Variants in SCAPER observed in about 807,000 individuals in gnomAD.
The protein encoded by SCAPER is S-phase cyclin A associated protein in the ER, also known as S phase cyclin A-associated protein in the endoplasmic reticulum.
A neutral mutation model predicts 182.2 loss-of-function variants in SCAPER; 98 were observed. The ratio of observed to expected loss-of-function variants is 0.54; its 90% confidence interval spans 0.46 to 0.64. The LOEUF (loss-of-function observed/expected upper bound fraction) is 0.64, where lower values mean the gene tolerates loss of function less well. SCAPER is among the 30% of genes least tolerant of loss of function. The probability of loss-of-function intolerance (pLI) is 0.00; values close to 1 mark genes in which losing one functional copy is unlikely to be tolerated. For synonymous variants in SCAPER, 605 were observed against 564.6 expected, an observed-to-expected ratio of 1.07 and a Z score of -1.01; for missense variants, 1,432 against 1,690.0, an observed-to-expected ratio of 0.85 and a Z score of 2.68.
At chr15:76,536,247 T>C (rs2044148852) in intron 23 of SCAPER, among the ~76,000 whole-genome samples, 1 of 152,148 alleles carries the variant, frequency 6.6e-6, no homozygotes, top group African/African-American at 2.4e-5. Flanking sequence ...GCCACTCAGC[T>C]ACTCAGGAGG....
intron 25 of SCAPER, among the ~76,000 whole-genome samples, chr15:76,446,174 GT>G (rs1567156060): frequency 6.6e-6 from 1 of 152,108 alleles, no homozygotes; most frequent in Non-Finnish European, 1.5e-5. Context: ...GTTCAGAGAG[GT>G]TAAATCACAT....
chr15:76,691,989 G>GA (rs1239228569), intron 20 of SCAPER, among the ~76,000 whole-genome samples: 15 of 151,924 alleles, frequency 9.9e-5, no homozygotes, highest in Admixed American at 3.9e-4. Flanking sequence ...AGTGACAGCA[G>GA]AAAAAAGAAA....
intron 15 of SCAPER, among the ~76,000 whole-genome samples, chr15:76,747,842 G>C (rs117708031): frequency 0.017 from 2,644 of 152,180 alleles, 35 homozygotes; most frequent in Non-Finnish European, 0.026. Context: ...ACAGCCTACA[G>C]AATAGTGAGC....
rs2059871406 is a variant in SCAPER at position 76,716,048 on chromosome 15, A to G, written c.2166-10064T>C. Among the ~76,000 whole-genome samples, 6 of 152,124 alleles carry G rather than the reference A, an allele frequency of 3.9e-5. No homozygotes were observed. In the South Asian group the frequency reaches 1.2e-3, roughly 32 times the overall value. ...GCCTGTGAACAATGTCAGACCTGATACCAAAAGAGATCCCCTCAATGAAGA... is the reference window on the plus strand; with the variant it reads ...GCCTGTGAACAATGTCAGACCTGATGCCAAAAGAGATCCCCTCAATGAAGA... On this transcript the variant is annotated intron_variant, in intron 17 of 31. Transcript: ENST00000563290.
intron 21 of SCAPER, among the ~76,000 whole-genome samples, chr15:76,651,822 A>G (rs1413316686): frequency 6.6e-6 from 1 of 151,768 alleles, no homozygotes; most frequent in Non-Finnish European, 1.5e-5. Context: ...TGGAAAAAAA[A>G]AAAAAAAACT....
At chr15:76,566,902 A>C (rs1184698229) in intron 23 of SCAPER, among the ~76,000 whole-genome samples, 1 of 152,124 alleles carries the variant, frequency 6.6e-6, no homozygotes, top group African/African-American at 2.4e-5. Flanking sequence ...TTAAATAATA[A>C]TTTTAATTTG....
intron 5 of SCAPER, among the ~76,000 whole-genome samples, chr15:76,823,852 A>G (rs2151666072): frequency 6.6e-6 from 1 of 152,276 alleles, no homozygotes; most frequent in African/African-American, 2.4e-5. Flanking sequence ...TAAGGTACAA[A>G]AAGACAACTC....
intron 23 of SCAPER, among the ~76,000 whole-genome samples, chr15:76,511,883 ATATTT>A (rs1320998612): frequency 1.9e-4 from 21 of 112,026 alleles, no homozygotes; most frequent in African/African-American, 5.5e-4. Context: ...ATATATATAT[ATATTT>A]TTTTTTTTTT....
intron 27 of SCAPER, among the ~76,000 whole-genome samples, chr15:76,396,369 A>C (rs1371916210): frequency 1.3e-5 from 2 of 152,114 alleles, no homozygotes; most frequent in African/African-American, 2.4e-5. Flanking sequence ...GAATGTCATC[A>C]ATGTTTTGAT....
chr15:76,792,110 T>TA (rs141484359), intron 8 of SCAPER, among the ~76,000 whole-genome samples: 18 of 144,588 alleles, frequency 1.2e-4, no homozygotes, highest in South Asian at 2.2e-4. Flanking sequence ...GAGTGATGCT[T>TA]AAAAAAAAAA....
chr15:76,697,468 T>C (rs773473306), intron 20 of SCAPER, among the ~76,000 whole-genome samples: 1 of 152,194 alleles, frequency 6.6e-6, no homozygotes, highest in Non-Finnish European at 1.5e-5. Context: ...ATATTGCACA[T>C]TTTTCTTCCG....
intron 25 of SCAPER, among the ~76,000 whole-genome samples, chr15:76,457,141 C>T (rs1247909010): frequency 6.6e-6 from 1 of 151,948 alleles, no homozygotes; most frequent in Non-Finnish European, 1.5e-5. Context: ...TGGCTCGCCG[C>T]AACCTCCGCC....
chr15:76,714,794 A>C (rs2059796840), intron 17 of SCAPER, among the ~76,000 whole-genome samples: 1 of 152,184 alleles, frequency 6.6e-6, no homozygotes. Context: ...AACCACATCC[A>C]ACAATAATTT....
intron 24 of SCAPER, among the ~76,000 whole-genome samples, chr15:76,499,865 C>T (rs1312641860): frequency 6.6e-6 from 1 of 152,014 alleles, no homozygotes; most frequent in Non-Finnish European, 1.5e-5. Context: ...AACAGAAATG[C>T]CCAATAAAAT....
intron 15 of SCAPER, among the ~76,000 whole-genome samples, chr15:76,744,790 C>T (rs2061710534): frequency 1.3e-5 from 2 of 152,048 alleles, no homozygotes; most frequent in Non-Finnish European, 2.9e-5. Context: ...GGGGATATAC[C>T]CATTGGAAAA....
chr15:76,811,121 CAAA>C (rs71447123), intron 5 of SCAPER, among the ~76,000 whole-genome samples: 6 of 105,490 alleles, frequency 5.7e-5, no homozygotes, highest in Admixed American at 9.9e-5. Context: ...ATAGAATTTA[CAAA>C]AAAAAAAAAA....
At chr15:76,681,558 G>A (rs1598124165) in intron 20 of SCAPER, among the ~76,000 whole-genome samples, 1 of 152,154 alleles carries the variant, frequency 6.6e-6, no homozygotes. Context: ...GGGAAGCAGC[G>A]AGAGTGAACA....
At chr15:76,832,373 GA>G (rs1776641512) in intron 5 of SCAPER, among the ~76,000 whole-genome samples, 2 of 152,196 alleles carry the variant, frequency 1.3e-5, no homozygotes, top group South Asian at 4.1e-4. Flanking sequence ...TGAAGCTGAG[GA>G]AAGAATCTCA....
At chr15:76,381,725 G>T in intron 27 of SCAPER, 110 bp from the exon 28 acceptor site, 2 of 847,178 alleles carry the variant, frequency 2.4e-6, no homozygotes, top group Non-Finnish European at 3.7e-6. Flanking sequence ...AACCATCTGA[G>T]TTGTATAGTA....
Sources: gnomAD v4.1 joint callset for allele counts (sites outside exome capture counted in the v4.1 genomes callset) on GRCh38, gnomAD v4.1.1 for gene constraint, MANE v1.5 for transcripts, NCBI Gene and HGNC (gene_info 2026-07-23, HGNC 2026-07-21) for gene names.